Variants in CAMK1D observed in about 807,000 individuals in gnomAD.
CAMK1D encodes calcium/calmodulin dependent protein kinase ID.
Under a neutral mutation model 47.7 loss-of-function variants are expected in CAMK1D, and 9 were observed. The ratio of observed to expected loss-of-function variants is 0.19; its 90% CI spans 0.11 to 0.33. The LOEUF is 0.33. Ranked by LOEUF, CAMK1D falls within the 10% of genes least tolerant of loss-of-function variation. The pLI, the probability that CAMK1D is intolerant of heterozygous loss-of-function variation, is 1.00. For synonymous variants in CAMK1D, 184 were observed against 184.9 expected (o/e 0.99, Z 0.04); for missense variants, 291 against 488.7 (o/e 0.60, Z 3.81).
At chr10:12,814,367 C>T (rs58137696) in intron 7 of CAMK1D, 60 bp downstream of exon 7, 17 of 1,088,158 alleles carry the variant, frequency 1.6e-5, no homozygotes, top group East Asian at 9.5e-5. Context: ...ACCCAGACCA[C>T]GTGACCCTGA....
intron 5 of CAMK1D, among the ~76,000 whole-genome samples, chr10:12,789,620 A>G (rs558175599): frequency 6.6e-6 from 1 of 152,246 alleles, no homozygotes; most frequent in African/African-American, 2.4e-5. Context: ...TCTGAAAGGA[A>G]GTTCGTGTAG....
At chr10:12,791,017 C>A in intron 5 of CAMK1D, 141 bp from the exon 6 acceptor site, 1 of 664,818 alleles carries the variant, frequency 1.5e-6, no homozygotes. Flanking sequence ...AAAAAAAAAG[C>A]CAACACATAA....
intron 2 of CAMK1D, among the ~76,000 whole-genome samples, chr10:12,632,171 C>A (rs1487489282): frequency 1.3e-5 from 2 of 152,194 alleles, no homozygotes; most frequent in African/African-American, 4.8e-5. Context: ...GATTCGCATC[C>A]CTTCTTGAAA....
At chr10:12,351,520 C>T (rs1367726408) in intron 1 of CAMK1D, among the ~76,000 whole-genome samples, 1 of 152,174 alleles carries the variant, frequency 6.6e-6, no homozygotes, top group Non-Finnish European at 1.5e-5. Context: ...GGGGACCCAC[C>T]CTGTGTGAAT....
chr10:12,496,634 G>A (rs1417719585), intron 1 of CAMK1D, among the ~76,000 whole-genome samples: 2 of 152,230 alleles, frequency 1.3e-5, no homozygotes, highest in Non-Finnish European at 2.9e-5. Context: ...AATAGCTGGT[G>A]AAGAACAGCT....
chr10:12,578,585 A>AAAAAAAAG (rs1456866150), intron 2 of CAMK1D, among the ~76,000 whole-genome samples: 14 of 149,430 alleles, frequency 9.4e-5, no homozygotes, highest in Admixed American at 2.0e-4. Flanking sequence ...AAAAAAAAAA[A>AAAAAAAAG]GTTTTGTAGA....
At chr10:12,564,119 GTCTCTCTCTCTC>G (rs765364710) in intron 2 of CAMK1D, among the ~76,000 whole-genome samples, 4 of 127,232 alleles carry the variant, frequency 3.1e-5, no homozygotes, top group East Asian at 2.6e-4. Context: ...CTGTCTAGAT[GTCTCTCTCTCTC>G]TCTCTCTCTC....
chr10:12,542,839 G>A (rs562047911), intron 1 of CAMK1D, among the ~76,000 whole-genome samples: 14 of 152,060 alleles, frequency 9.2e-5, no homozygotes, highest in Admixed American at 2.6e-4. Flanking sequence ...TCCGCCTCCC[G>A]GGTTTGAGCA....
intron 1 of CAMK1D, among the ~76,000 whole-genome samples, chr10:12,407,120 C>T (rs1372987148): frequency 6.6e-6 from 1 of 152,214 alleles, no homozygotes; most frequent in Non-Finnish European, 1.5e-5. Flanking sequence ...CCCCTCTCAT[C>T]TCCATCTTCC....
At chr10:12,613,742 G>T (rs981407511) in intron 2 of CAMK1D, among the ~76,000 whole-genome samples, 11 of 152,280 alleles carry the variant, frequency 7.2e-5, no homozygotes, top group Non-Finnish European at 1.3e-4. Context: ...CCTCCTAAAG[G>T]TCTGGGATTA....
chr10:12,786,454 T>G (rs914328), intron 5 of CAMK1D, among the ~76,000 whole-genome samples: 29,690 of 152,272 alleles, frequency 0.19, 3,278 homozygotes, highest in East Asian at 0.46. Context: ...ATCGCCAATA[T>G]TGTCATCCTG....
intron 1 of CAMK1D, among the ~76,000 whole-genome samples, chr10:12,426,241 A>G (rs905162183): frequency 2.6e-5 from 4 of 151,960 alleles, no homozygotes; most frequent in Non-Finnish European, 5.9e-5. Flanking sequence ...CTGTGAAGGG[A>G]TATTTTTTTC....
chr10:12,623,459 C>CCTCT (rs796795216), intron 2 of CAMK1D, among the ~76,000 whole-genome samples: 1 of 13,748 alleles, frequency 7.3e-5, no homozygotes, highest in Non-Finnish European at 1.2e-4. Context: ...CTTCCTCCCT[C>CCTCT]CCTCTCTCCC....
In CAMK1D at chr10:12,829,940, AC is replaced by A. The variant is rs1381528279; in HGVS notation, c.*1055del. On this transcript the variant is annotated 3_prime_UTR_variant, in exon 11 of 11. Coordinates refer to ENST00000619168, the MANE Select transcript of CAMK1D (RefSeq NM_153498.4). ...AACCCATCCAGCAGAACCCACACCC[AC>A]CAGAGACCCTAGAGGCCTCTTGCCA... is the stretch of plus-strand genomic sequence containing the variant. The A allele has an allele frequency of 6.6e-6, 1 of 152,022 alleles. No homozygotes were observed. The highest frequency in any genetic ancestry group is 1.5e-5 in the Non-Finnish European group (1 of 68,098). The allele number at this position is 152,022 out of a possible 1,614,324, so 9.4% of individuals were successfully genotyped here. A position where few individuals can be genotyped will look rare whatever the true frequency, so the allele number is the denominator to read the frequency against.
Position 12,401,307 on chromosome 10 carries a change from T to C in CAMK1D, c.92+51397T>C, listed in dbSNP as rs190016479. 1.3e-3 allele frequency among the ~76,000 whole-genome samples: 66 copies of C among 49,674 alleles called. 23 individuals carry two copies. The highest frequency in any genetic ancestry group is 6.1e-3 in the South Asian group (10 of 1,632). 32.6% of individuals were successfully genotyped at this position (49,674 alleles called of 152,430 possible). ...TTATATATATATAATATATGTATTA[T>C]ATATATTATGTATATATTTTATATA... On this transcript the variant is annotated intron_variant, in intron 1 of 10. Transcript: ENST00000619168.
chr10:12,553,254 A>G lies in CAMK1D; in HGVS notation c.122A>G (p.Glu41Gly). The G allele has an allele frequency of 6.2e-7, 1 of 1,614,182 alleles. No individual in the cohort carries two copies. The highest frequency in any genetic ancestry group is 8.5e-7 in the Non-Finnish European group (1 of 1,180,022). Reference protein sequence around the residue: ...TGAFSEVVLAEEKATGKLFAV... With the variant: ...TGAFSEVVLAGEKATGKLFAV... ...GCCTTTTCCGAAGTGGTTTTAGCTG[A>G]AGAGAAGGCAACTGGCAAGCTCTTT... is the stretch of plus-strand genomic sequence containing the variant. The change falls in exon 2 of 11, where the codon GAA becomes GGA. Residue 41 changes from glutamate to glycine, a missense_variant. Around this residue, in one of 2 missense-constraint regions of CAMK1D, gnomAD observed 219 missense variants for 424.3 expected, o/e 0.52. Transcript: ENST00000619168.
At chr10:12,808,504 C>T (rs1022618494) in intron 6 of CAMK1D, among the ~76,000 whole-genome samples, 2 of 152,154 alleles carry the variant, frequency 1.3e-5, no homozygotes, top group African/African-American at 2.4e-5. Flanking sequence ...ATGAAGACAG[C>T]GGCTGAGCAC....
intron 3 of CAMK1D, among the ~76,000 whole-genome samples, chr10:12,741,998 G>A (rs1202803717): frequency 6.6e-6 from 1 of 152,190 alleles, no homozygotes; most frequent in African/African-American, 2.4e-5. Context: ...AGCATCTGGG[G>A]TGTCCTGAAG....
intron 1 of CAMK1D, among the ~76,000 whole-genome samples, chr10:12,401,626 C>T (rs535609737): frequency 7.9e-5 from 12 of 151,516 alleles, no homozygotes; most frequent in African/African-American, 2.2e-4. Context: ...AGAAGGGGGC[C>T]GTCAGGGTGC....
Sources: allele counts gnomAD v4.1 joint callset (sites outside exome capture counted in the v4.1 genomes callset), GRCh38; gene constraint gnomAD v4.1.1; regional missense constraint gnomAD v4.1.1; transcripts MANE v1.5; gene names NCBI Gene and HGNC (gene_info 2026-07-23, HGNC 2026-07-21).